Variants in IQCM observed in about 807,000 individuals in gnomAD.
IQCM encodes the protein IQ domain-containing protein M.
Under a neutral mutation model 57.6 loss-of-function variants are expected in IQCM, and 45 were observed. That is an observed-to-expected ratio of 0.78 (90% CI 0.62 to 1.00). IQCM has a LOEUF of 1.00. IQCM is among the 50% of genes least tolerant of loss of function. IQCM has a pLI of 0.00. For missense variants in IQCM, 468 were observed against 511.6 expected (o/e 0.91, Z 0.82); for synonymous variants, 148 against 158.9 (o/e 0.93, Z 0.51).
In IQCM at chr4:149,440,067, C is replaced by T. The variant is rs142661180; in HGVS notation, c.1229-6510G>A. Among the ~76,000 whole-genome samples, 626 of 150,338 alleles carry T rather than the reference C, an allele frequency of 4.2e-3. 3 individuals carry two copies. The highest frequency in any genetic ancestry group is 0.015 in the African/African-American group (599 of 40,964). On this transcript the variant is annotated intron_variant, in intron 12 of 13. Transcript: ENST00000636793. ...TGCTTCCTGGGTTCTAGCGATTCTC[C>T]TGCATCAGCCTCCCGAGTAGCTAGG...
intron 5 of IQCM, among the ~76,000 whole-genome samples, chr4:149,691,551 T>C (rs899860201): frequency 6.6e-6 from 1 of 152,030 alleles, no homozygotes; most frequent in African/African-American, 2.4e-5. Context: ...TCTGGAGATA[T>C]AAAGAGTGAA....
At chr4:149,770,502 G>C (rs1770473172) in intron 2 of IQCM, among the ~76,000 whole-genome samples, 1 of 151,952 alleles carries the variant, frequency 6.6e-6, no homozygotes, top group South Asian at 2.1e-4. Flanking sequence ...CAAAACCTAT[G>C]GACGATATCC....
intron 13 of IQCM, among the ~76,000 whole-genome samples, chr4:149,409,428 G>T (rs908826037): frequency 6.6e-6 from 1 of 152,202 alleles, no homozygotes; most frequent in Non-Finnish European, 1.5e-5. Context: ...AAATAGTCCA[G>T]CAATTATCAA....
intron 9 of IQCM, among the ~76,000 whole-genome samples, chr4:149,564,825 A>G (rs1750458569): frequency 6.6e-6 from 1 of 152,060 alleles, no homozygotes; most frequent in African/African-American, 2.4e-5. Context: ...ATATATATAT[A>G]TATTCCATTA....
chr4:149,533,179 A>G (rs1056768570), intron 12 of IQCM, among the ~76,000 whole-genome samples: 8 of 152,168 alleles, frequency 5.3e-5, no homozygotes, highest in African/African-American at 1.7e-4. Flanking sequence ...TGAAGTCAGA[A>G]AGGTAGAAAA....
chr4:149,778,308 G>A (rs6844687), intron 2 of IQCM, among the ~76,000 whole-genome samples: 24,173 of 152,022 alleles, frequency 0.16, 4,403 homozygotes, highest in African/African-American at 0.42. Context: ...CCTGGGAGGC[G>A]GAGGTTGCAG....
At chr4:149,801,115 G>A (rs576667134) in intron 2 of IQCM, among the ~76,000 whole-genome samples, 2 of 151,900 alleles carry the variant, frequency 1.3e-5, no homozygotes, top group African/African-American at 4.8e-5. Flanking sequence ...ACATACAAAT[G>A]ACAAACAGGC....
intron 13 of IQCM, among the ~76,000 whole-genome samples, chr4:149,375,453 A>C (rs1730645788): frequency 6.6e-6 from 1 of 152,118 alleles, no homozygotes; most frequent in Admixed American, 6.6e-5. Context: ...TATCACCAGG[A>C]GCTGGGTTAG....
At chr4:149,546,053 G>C (rs938857841) in intron 12 of IQCM, among the ~76,000 whole-genome samples, 5 of 152,094 alleles carry the variant, frequency 3.3e-5, no homozygotes, top group South Asian at 2.1e-4. Flanking sequence ...CCACCTATGA[G>C]TGAGAACATG....
intron 13 of IQCM, among the ~76,000 whole-genome samples, chr4:149,363,953 A>G (rs1460959021): frequency 6.6e-6 from 1 of 152,234 alleles, no homozygotes; most frequent in Non-Finnish European, 1.5e-5. Context: ...CTACTGGAAT[A>G]GTATGACTTT....
intron 12 of IQCM, among the ~76,000 whole-genome samples, chr4:149,450,874 C>T (rs1267573344): frequency 6.6e-6 from 1 of 151,550 alleles, no homozygotes; most frequent in African/African-American, 2.4e-5. Context: ...ATGCCCCCCA[C>T]CAAAAAGGAA....
intron 12 of IQCM, among the ~76,000 whole-genome samples, chr4:149,520,051 A>G (rs1481694542): frequency 6.6e-6 from 1 of 152,128 alleles, no homozygotes; most frequent in African/African-American, 2.4e-5. Flanking sequence ...TTTTATATCC[A>G]TTAAACAATA....
chr4:149,783,707 T>C (rs1039291941), intron 2 of IQCM, among the ~76,000 whole-genome samples: 1 of 152,136 alleles, frequency 6.6e-6, no homozygotes, highest in Non-Finnish European at 1.5e-5. Flanking sequence ...ATAATTACAT[T>C]ATATAAGACT....
At chr4:149,553,601 C>T (rs974653693) in intron 10 of IQCM, among the ~76,000 whole-genome samples, 2 of 152,172 alleles carry the variant, frequency 1.3e-5, no homozygotes, top group Non-Finnish European at 2.9e-5. Flanking sequence ...CTGCCAGAAA[C>T]GATGTAGTCT....
chr4:149,756,466 A>C (rs1156350602), intron 2 of IQCM, among the ~76,000 whole-genome samples: 3 of 152,194 alleles, frequency 2.0e-5, no homozygotes, highest in Non-Finnish European at 4.4e-5. Flanking sequence ...CCAAAATACT[A>C]AGTCTAAGAA....
chr4:149,405,434 A>G (rs1286998017), intron 13 of IQCM, among the ~76,000 whole-genome samples: 1 of 152,010 alleles, frequency 6.6e-6, no homozygotes, highest in Non-Finnish European at 1.5e-5. Context: ...GGGGAGGGAT[A>G]GCATTAGGAG....
intron 2 of IQCM, among the ~76,000 whole-genome samples, chr4:149,776,636 G>A (rs959331690): frequency 6.6e-6 from 1 of 151,958 alleles, no homozygotes; most frequent in Non-Finnish European, 1.5e-5. Context: ...GGATGAATAA[G>A]GGCAGATTAA....
At chr4:149,677,945 A>T (rs1761889124) in intron 7 of IQCM, among the ~76,000 whole-genome samples, 1 of 151,950 alleles carries the variant, frequency 6.6e-6, no homozygotes, top group African/African-American at 2.4e-5. Context: ...GCAAAGAATT[A>T]GTGAGCTCAA....
chr4:149,795,965 G>A (rs549495237), intron 2 of IQCM, among the ~76,000 whole-genome samples: 9 of 152,318 alleles, frequency 5.9e-5, no homozygotes, highest in African/African-American at 2.2e-4. Flanking sequence ...GAGACTCTGA[G>A]ACTTGCTGGC....
Sources: allele counts gnomAD v4.1 joint callset (sites outside exome capture counted in the v4.1 genomes callset), GRCh38; gene constraint gnomAD v4.1.1; transcripts MANE v1.5; gene names NCBI Gene and HGNC (gene_info 2026-07-23, HGNC 2026-07-21).